The following OR6C2 variants were observed in gnomAD, a reference collection of about 807,000 sequenced individuals.
OR6C2 encodes olfactory receptor 6C2.
For synonymous variants in OR6C2, 146 were observed against 134.2 expected, an observed-to-expected ratio of 1.09 and a Z score of -0.61; for missense variants, 435 against 365.8, an observed-to-expected ratio of 1.19 and a Z score of -1.54.
chr12:55,448,165 C>G (rs1404748307), intron 1 of OR6C2, among the ~76,000 whole-genome samples: 8 of 151,766 alleles, frequency 5.3e-5, no homozygotes, highest in Admixed American at 4.6e-4. Context: ...TTCTATTCAA[C>G]TCTTTTGCCT....
chr12:55,446,101 G>A (rs1871355934), intron 1 of OR6C2, among the ~76,000 whole-genome samples: 1 of 151,302 alleles, frequency 6.6e-6, no homozygotes, highest in African/African-American at 2.4e-5. Flanking sequence ...AAACACTACA[G>A]TAGTAATTTC....
In OR6C2 at chr12:55,452,798, G is replaced by T. The variant is rs528312270; in HGVS notation, c.585G>T (p.Gln195His). 6.2e-6 allele frequency: 10 copies of T among 1,613,806 alleles called. No individual in the cohort carries two copies. The East Asian group carries it at 1.8e-4, about 29-fold the overall frequency. ...ISCSDTWVIE[Q>H]MVILMAVFAL... is the part of the protein sequence containing the mutation. ...GCTCAGATACATGGGTAATAGAACA[G>T]ATGGTTATACTTATGGCTGTATTTG... is the stretch of plus-strand genomic sequence containing the variant. The change falls in exon 2 of 2, where the codon CAG (glutamine) becomes CAT (histidine). Residue 195 changes from glutamine to histidine, a missense_variant. Gln to His is a conservative substitution (Grantham distance 24, BLOSUM62 0). Coordinates refer to ENST00000641202, the MANE Select transcript of OR6C2 (RefSeq NM_054105.2).
In OR6C2 at chr12:55,452,381, T is replaced by C; in HGVS notation, c.168T>C (p.Pro56=). The stretch of plus-strand genomic sequence containing the variant: ...TGGTGGACCACCACCTTAAAACTCC[T>C]ATGTACTTCTTTCTCAGAAATTTTT... ...LTLVDHHLKT[P]MYFFLRNFSF... The change falls in exon 2 of 2, where the codon CCT becomes CCC. Residue 56 remains proline, a synonymous_variant. Transcript: ENST00000641202. 4 of 1,613,714 alleles carry C rather than the reference T, an allele frequency of 2.5e-6. No individual in the cohort carries two copies. Among genetic ancestry groups the C allele is most frequent in the Non-Finnish European group, 3.4e-6 (4 of 1,179,826 alleles).
rs986926621 is a variant in OR6C2 at position 55,453,035 on chromosome 12, T to A, written c.822T>A (p.Val274=). ...TGGCCATAAATAAAGGAGTTTCAGT[T>A]CTTACTACTTCTGTCGCACCCTTGT... ...DEVAINKGVS[V]LTTSVAPLLN... Residue 274 remains valine (V), a synonymous_variant, in exon 2 of 2, where the codon GTT becomes GTA. Transcript: ENST00000641202. The A allele has an allele frequency of 6.2e-7, 1 of 1,613,434 alleles. No homozygotes were observed. Among genetic ancestry groups the A allele is most frequent in the African/African-American group, 1.3e-5 (1 of 74,890 alleles).
chr12:55,452,389 T>A lies in OR6C2; in HGVS notation c.176T>A (p.Phe59Tyr), dbSNP rs1871494818. The change falls in exon 2 of 2, where the codon TTC becomes TAC. Residue 59 changes from phenylalanine (F) to tyrosine (Y), a missense_variant. Physicochemically the swap from Phe to Tyr is conservative, Grantham distance 22. Transcript: ENST00000641202. ...VDHHLKTPMY[F>Y]FLRNFSFLEV... Reference sequence around the variant, plus strand: ...CACCACCTTAAAACTCCTATGTACTTCTTTCTCAGAAATTTTTCCTTCTTA... The same window carrying A: ...CACCACCTTAAAACTCCTATGTACTACTTTCTCAGAAATTTTTCCTTCTTA... The A allele has an allele frequency of 6.2e-7, 1 of 1,613,698 alleles. No homozygotes were observed. The highest frequency in any genetic ancestry group is 8.5e-7 in the Non-Finnish European group (1 of 1,179,798).
Position 55,452,233 on chromosome 12 carries a change from T to C in OR6C2, c.20T>C (p.Ile7Thr). Residue 7 changes from isoleucine (I) to threonine (T), a missense_variant, in exon 2 of 2, where the codon ATA becomes ACA. Ile to Thr is a moderately conservative substitution (Grantham distance 89). Transcript: ENST00000641202. ...ACAGTGATGAAAAACCACACAGTAA[T>C]AAGAACTTTTATCCTGCTGGGACTG... is the stretch of plus-strand genomic sequence containing the variant. MKNHTV[I>T]RTFILLGLTG... 1.9e-6 allele frequency: 3 copies of C among 1,584,322 alleles called. No homozygotes were observed. The highest frequency in any genetic ancestry group is 2.6e-6 in the Non-Finnish European group (3 of 1,166,534).
chr12:55,447,700 T>C (rs1871389485), intron 1 of OR6C2, among the ~76,000 whole-genome samples: 1 of 152,120 alleles, frequency 6.6e-6, no homozygotes. Flanking sequence ...CATTCCATTA[T>C]TGTATTATAT....
intron 1 of OR6C2, among the ~76,000 whole-genome samples, chr12:55,445,862 T>C (rs1871352033): frequency 6.6e-6 from 1 of 152,204 alleles, no homozygotes; most frequent in South Asian, 2.1e-4. Flanking sequence ...CAAATATTGA[T>C]GTGCATATGA....
At chr12:55,445,209 TC>T in intron 1 of OR6C2, among the ~76,000 whole-genome samples, 1 of 152,324 alleles carries the variant, frequency 6.6e-6, no homozygotes, top group East Asian at 1.9e-4. Flanking sequence ...ATCTTCATTC[TC>T]ATTATGCCAG....
Position 55,452,594 on chromosome 12 carries a change from C to G in OR6C2, c.381C>G (p.Pro127=). The G allele has an allele frequency of 1.2e-6, 2 of 1,613,848 alleles. No individual in the cohort carries two copies. The highest frequency in any genetic ancestry group is 1.7e-6 in the Non-Finnish European group (2 of 1,179,872). ...ACCGCTATGTGGCCATCTGTAAACCCCTTCATTATGTGGTCATCATGAACA... is the reference window on the plus strand; with the variant it reads ...ACCGCTATGTGGCCATCTGTAAACCGCTTCATTATGTGGTCATCATGAACA... The part of the protein sequence containing the change: ...SYDRYVAICK[P]LHYVVIMNNR... Residue 127 remains proline, a synonymous_variant, in exon 2 of 2, where the codon CCC becomes CCG. Transcript: ENST00000641202.
At chr12:55,449,474 G>A (rs191992298) in intron 1 of OR6C2, among the ~76,000 whole-genome samples, 1 of 151,836 alleles carries the variant, frequency 6.6e-6, no homozygotes, top group African/African-American at 2.4e-5. Flanking sequence ...TTACTTTTGA[G>A]TGACCCTAAA....
chr12:55,446,628 A>G (rs895207434), intron 1 of OR6C2, among the ~76,000 whole-genome samples: 1 of 152,178 alleles, frequency 6.6e-6, no homozygotes, highest in African/African-American at 2.4e-5. Flanking sequence ...AACTCCATGC[A>G]ATAAATGCAC....
rs1418922028 is a variant in OR6C2, at chr12:55,452,607, G to T, written c.394G>T (p.Val132Phe). The change falls in exon 2 of 2, where the codon GTC becomes TTC. Residue 132 changes from valine to phenylalanine, a missense_variant. By Grantham distance (50) the Val-to-Phe change is conservative. Coordinates refer to ENST00000641202, the MANE Select transcript of OR6C2 (RefSeq NM_054105.2). The stretch of plus-strand genomic sequence containing the variant: ...CATCTGTAAACCCCTTCATTATGTG[G>T]TCATCATGAACAACAGGGTGTGTAC... ...VAICKPLHYVVIMNNRVCTLL... is the reference protein window; with the variant it reads ...VAICKPLHYVFIMNNRVCTLL... The T allele has an allele frequency of 2.5e-6, 4 of 1,613,658 alleles. No homozygotes were observed. The highest frequency in any genetic ancestry group is 3.3e-5 in the Admixed American group (2 of 59,916).
At chr12:55,450,152 G>A (rs10876781) in intron 1 of OR6C2, among the ~76,000 whole-genome samples, 52,131 of 151,784 alleles carry the variant, frequency 0.34, 9,405 homozygotes, top group Middle Eastern at 0.42. Flanking sequence ...AGAAACATAC[G>A]GGAGAAATAC....
At chr12:55,448,544 C>A (rs1320154510) in intron 1 of OR6C2, among the ~76,000 whole-genome samples, 2 of 130,404 alleles carry the variant, frequency 1.5e-5, no homozygotes. Context: ...ATAGAATCAC[C>A]AAAAAAGACA....
At position 55,449,294 on chromosome 12, in the gene OR6C2, CA is replaced by C. The variant is rs564117700; in HGVS notation, c.-887-2026del. 3.1e-3 allele frequency among the ~76,000 whole-genome samples: 464 copies of C among 151,660 alleles called. 2 individuals carry two copies. Among genetic ancestry groups the C allele is most frequent in the Middle Eastern group, 6.8e-3 (2 of 294 alleles). On this transcript the variant is annotated intron_variant, in intron 1 of 1. Transcript: ENST00000641202. ...AAATACTTTTTAAAAATGGGTTTTTCAAAAAAACTTTTAAAACTCTGCTTTT... is the reference window on the plus strand; with the variant it reads ...AAATACTTTTTAAAAATGGGTTTTTCAAAAAACTTTTAAAACTCTGCTTTT...
In OR6C2 at chr12:55,452,863, T is replaced by A; in HGVS notation, c.650T>A (p.Leu217Ter). 6.2e-7 allele frequency: 1 copy of A among 1,613,858 alleles called. No homozygotes were observed. Among genetic ancestry groups the A allele is most frequent in the Non-Finnish European group, 8.5e-7 (1 of 1,179,818 alleles). Residue 217 changes from leucine to a stop codon, truncating the protein, a stop_gained, in exon 2 of 2, where the codon TTG (leucine) becomes TAG (stop). Transcript: ENST00000641202. LOFTEE classifies it low-confidence loss of function (END_TRUNC). ...ITLVCVILSY[L>*]YIVRTILKFP... ...CTAGTTTGTGTGATTCTGTCCTACT[T>A]GTACATAGTCAGAACAATTCTGAAG...
At chr12:55,444,239 G>A (rs1871326193) in intron 1 of OR6C2, 80 bp downstream of exon 1, 1 of 152,098 alleles carries the variant, frequency 6.6e-6, no homozygotes, top group Non-Finnish European at 1.5e-5. Context: ...AATTTTGCTA[G>A]TTTAAGCTTG....
chr12:55,447,546 T>C (rs1871386562), intron 1 of OR6C2, among the ~76,000 whole-genome samples: 1 of 152,142 alleles, frequency 6.6e-6, no homozygotes, highest in Admixed American at 6.6e-5. Context: ...TTCTGTGAAT[T>C]TGACTATTTT....
Sources: allele counts gnomAD v4.1 joint callset (sites outside exome capture counted in the v4.1 genomes callset), GRCh38; gene constraint gnomAD v4.1.1; transcripts MANE v1.5; gene names NCBI Gene and HGNC (gene_info 2026-07-23, HGNC 2026-07-21).